Variants in MACROD2 observed in about 807,000 individuals in gnomAD.
The protein encoded by MACROD2 is ADP-ribose glycohydrolase MACROD2.
MACROD2 carries 36 observed loss-of-function variants against 70.4 expected under a neutral mutation model. That is an observed-to-expected ratio of 0.51 (90% CI 0.39 to 0.68). The LOEUF (loss-of-function observed/expected upper bound fraction) is 0.68. Among genes scored for constraint, MACROD2 ranks in the 30% least tolerant of loss-of-function variants. The pLI is 0.00. For missense variants in MACROD2, 496 were observed against 538.4 expected (o/e 0.92, Z 0.78); for synonymous variants, 172 against 178.8 (o/e 0.96, Z 0.30).
At chr20:15,084,736 C>T (rs1181341099) in intron 5 of MACROD2, among the ~76,000 whole-genome samples, 2 of 152,056 alleles carry the variant, frequency 1.3e-5, no homozygotes, top group Admixed American at 6.6e-5. Context: ...TTCAGTTCTT[C>T]CTTGGCAACA....
intron 15 of MACROD2, among the ~76,000 whole-genome samples, chr20:16,038,079 A>T (rs1371405384): frequency 6.6e-6 from 1 of 151,634 alleles, no homozygotes; most frequent in Non-Finnish European, 1.5e-5. Flanking sequence ...ATGTCATTGC[A>T]TCATCTCTGG....
At chr20:15,361,738 G>A (rs2078353913) in intron 6 of MACROD2, among the ~76,000 whole-genome samples, 1 of 151,608 alleles carries the variant, frequency 6.6e-6, no homozygotes, top group African/African-American at 2.4e-5. Context: ...TTTTTCATTG[G>A]TGTTTTATAG....
chr20:14,768,800 G>C (rs1165227698), intron 5 of MACROD2, among the ~76,000 whole-genome samples: 1 of 152,068 alleles, frequency 6.6e-6, no homozygotes, highest in African/African-American at 2.4e-5. Flanking sequence ...GCTCTTTTAA[G>C]AGAGTGTTTG....
intron 8 of MACROD2, among the ~76,000 whole-genome samples, chr20:15,744,047 C>G (rs1036017726): frequency 1.3e-5 from 2 of 152,146 alleles, no homozygotes; most frequent in African/African-American, 4.8e-5. Flanking sequence ...AACCTCTGCC[C>G]TTCATAGTTC....
chr20:15,115,579 G>A (rs943050888), intron 5 of MACROD2, among the ~76,000 whole-genome samples: 1 of 152,018 alleles, frequency 6.6e-6, no homozygotes, highest in East Asian at 1.9e-4. Context: ...CAAACATGCA[G>A]GGTTTCAAGG....
rs1281671238 is a variant in MACROD2, at chr20:14,367,552, A to G, written c.272-125927A>G. ...TTGAAGGACAATTAGCCAAACATAG[A>G]ATTCGTGGTTGACAGTTCTTTGCAG... On this transcript the variant is annotated intron_variant, in intron 3 of 17. Transcript: ENST00000684519. 2.0e-5 allele frequency among the ~76,000 whole-genome samples: 3 copies of G among 152,182 alleles called. No individual in the cohort carries two copies. In the East Asian group the frequency reaches 5.8e-4, roughly 29 times the overall value.
At chr20:14,401,578 A>G (rs1489182247) in intron 3 of MACROD2, among the ~76,000 whole-genome samples, 1 of 152,140 alleles carries the variant, frequency 6.6e-6, no homozygotes, top group Non-Finnish European at 1.5e-5. Context: ...GCCTTTTTTG[A>G]CAACCATTCA....
intron 4 of MACROD2, among the ~76,000 whole-genome samples, chr20:14,521,931 A>G (rs571810544): frequency 3.3e-5 from 5 of 152,190 alleles, no homozygotes; most frequent in African/African-American, 1.2e-4. Flanking sequence ...TGGATCATGT[A>G]TTTTAGACCA....
intron 10 of MACROD2, among the ~76,000 whole-genome samples, chr20:15,921,821 T>A (rs533664704): frequency 4.9e-4 from 74 of 152,226 alleles, no homozygotes; most frequent in African/African-American, 1.8e-3. Context: ...TGAAGTGAGA[T>A]AGAGAAGGGG....
chr20:15,474,024 T>C (rs77214315), intron 7 of MACROD2, among the ~76,000 whole-genome samples: 1 of 152,210 alleles, frequency 6.6e-6, no homozygotes, highest in Non-Finnish European at 1.5e-5. Context: ...GGCAAACTCA[T>C]GCCATTGCGG....
At chr20:14,079,901 C>T (rs2053967196) in intron 2 of MACROD2, among the ~76,000 whole-genome samples, 3 of 152,048 alleles carry the variant, frequency 2.0e-5, no homozygotes. Context: ...AGCAGGTGAG[C>T]CAGCATCTTC....
At chr20:15,011,293 A>G (rs75063111) in intron 5 of MACROD2, among the ~76,000 whole-genome samples, 3,519 of 152,184 alleles carry the variant, frequency 0.023, 136 homozygotes, top group African/African-American at 0.08. Context: ...AGAGCAGGAA[A>G]GAGAGAAGGA....
chr20:15,095,064 CTTTTTTTTTTTTT>C (rs373794823), intron 5 of MACROD2, among the ~76,000 whole-genome samples: 50 of 89,300 alleles, frequency 5.6e-4, no homozygotes, highest in African/African-American at 1.6e-3. Flanking sequence ...GTCTCCTCTT[CTTTTTTTTTTTTT>C]TTTTTTTTTT....
intron 5 of MACROD2, among the ~76,000 whole-genome samples, chr20:15,092,382 TATTC>T (rs781135366): frequency 2.7e-5 from 4 of 148,826 alleles, no homozygotes; most frequent in Non-Finnish European, 4.5e-5. Context: ...TTTTATAAAG[TATTC>T]ATTAAATAAT....
In MACROD2 at chr20:14,850,715, G is replaced by A. The variant is rs116341035; in HGVS notation, c.418+165756G>A. Among the ~76,000 whole-genome samples, 1,060 of 152,172 alleles carry A rather than the reference G, an allele frequency of 7.0e-3. 15 individuals carry two copies. The highest frequency in any genetic ancestry group is 0.024 in the African/African-American group (998 of 41,534). The stretch of plus-strand genomic sequence containing the variant: ...GAGCTGACTCCACACAGCAGAATGT[G>A]TTTTCTTAGTTGGAATTAGGTCTAT... On this transcript the variant is annotated intron_variant, in intron 5 of 17. Coordinates refer to ENST00000684519, the MANE Select transcript of MACROD2 (RefSeq NM_001351661.2).
chr20:15,843,599 CA>C (rs1568592914), intron 8 of MACROD2, among the ~76,000 whole-genome samples: 1 of 152,126 alleles, frequency 6.6e-6, no homozygotes, highest in South Asian at 2.1e-4. Flanking sequence ...AAGGATCCAG[CA>C]GAGTATTTAG....
At chr20:14,158,602 G>T (rs183422544) in intron 3 of MACROD2, among the ~76,000 whole-genome samples, 95 of 152,006 alleles carry the variant, frequency 6.2e-4, no homozygotes, top group Non-Finnish European at 1.2e-3. Context: ...AAGAGATAGG[G>T]GTCCAGTTTC....
intron 5 of MACROD2, among the ~76,000 whole-genome samples, chr20:14,927,626 G>C (rs2074249094): frequency 6.6e-6 from 1 of 152,158 alleles, no homozygotes; most frequent in African/African-American, 2.4e-5. Flanking sequence ...AGTTCCTGGG[G>C]AACCTGGGAA....
chr20:15,251,982 G>A (rs2077159851), intron 6 of MACROD2, among the ~76,000 whole-genome samples: 1 of 152,152 alleles, frequency 6.6e-6, no homozygotes, highest in East Asian at 1.9e-4. Flanking sequence ...TTTGTAAGGA[G>A]GGAACATAAA....
Sources: allele counts gnomAD v4.1 joint callset (sites outside exome capture counted in the v4.1 genomes callset), GRCh38; gene constraint gnomAD v4.1.1; transcripts MANE v1.5; gene names NCBI Gene and HGNC (gene_info 2026-07-23, HGNC 2026-07-21).